The following ZBTB7C variants were observed in gnomAD, a reference collection of about 807,000 sequenced individuals.
The protein encoded by ZBTB7C is zinc finger and BTB domain-containing protein 7C.
In ZBTB7C, 8 loss-of-function variants were observed where a neutral mutation model predicts 25.7. The observed-to-expected ratio is 0.31, with a 90% CI of 0.18 to 0.56. The LOEUF is 0.56. ZBTB7C is among the 20% of genes least tolerant of loss of function. ZBTB7C has a pLI of 0.91. For missense variants in ZBTB7C, 824 were observed against 855.2 expected (o/e 0.96, Z 0.46); for synonymous variants, 394 against 369.0 (o/e 1.07, Z -0.78).
intron 2 of ZBTB7C, among the ~76,000 whole-genome samples, chr18:48,216,317 C>T (rs2096707582): frequency 1.3e-5 from 2 of 152,140 alleles, no homozygotes; most frequent in Admixed American, 6.5e-5. Context: ...TGTGGACTTG[C>T]TGGGCATCAG....
At chr18:48,295,091 C>A (rs904467023) in intron 2 of ZBTB7C, among the ~76,000 whole-genome samples, 2 of 152,146 alleles carry the variant, frequency 1.3e-5, no homozygotes, top group African/African-American at 4.8e-5. Flanking sequence ...TCTGACTGCA[C>A]TTGCCTGTCT....
intron 2 of ZBTB7C, among the ~76,000 whole-genome samples, chr18:48,211,922 A>G (rs2042711186): frequency 6.6e-6 from 1 of 152,222 alleles, no homozygotes; most frequent in Non-Finnish European, 1.5e-5. Context: ...ATAATCATCA[A>G]AACTTGGAAG....
chr18:48,057,896 A>G (rs987606459), intron 3 of ZBTB7C, among the ~76,000 whole-genome samples: 1 of 152,206 alleles, frequency 6.6e-6, no homozygotes, highest in African/African-American at 2.4e-5. Context: ...CAACTGCAGG[A>G]CATTAGAGGT....
intron 2 of ZBTB7C, among the ~76,000 whole-genome samples, chr18:48,258,441 T>C (rs1430126818): frequency 6.6e-6 from 1 of 152,092 alleles, no homozygotes; most frequent in African/African-American, 2.4e-5. Flanking sequence ...CAATAGGAAA[T>C]TGAAATAAGA....
chr18:48,270,249 CTTTCTTTTTTTT>C (rs1194493309), intron 2 of ZBTB7C, among the ~76,000 whole-genome samples: 1 of 134,662 alleles, frequency 7.4e-6, no homozygotes, highest in Non-Finnish European at 1.6e-5. Flanking sequence ...CTTTTTCTCT[CTTTCTTTTTTTT>C]TTTTTTTTTT....
At chr18:48,359,755 A>T (rs916629511) in intron 1 of ZBTB7C, among the ~76,000 whole-genome samples, 32 of 152,336 alleles carry the variant, frequency 2.1e-4, no homozygotes, top group African/African-American at 7.7e-4. Flanking sequence ...TGGATGGTGC[A>T]AAAGAGGAAC....
chr18:48,202,114 G>A (rs573509824), intron 2 of ZBTB7C, among the ~76,000 whole-genome samples: 8 of 152,314 alleles, frequency 5.3e-5, no homozygotes, highest in Admixed American at 2.6e-4. Flanking sequence ...GCTGCTGGGC[G>A]GGACCACAGT....
At chr18:48,201,564 C>T in intron 2 of ZBTB7C, among the ~76,000 whole-genome samples, 1 of 152,170 alleles carries the variant, frequency 6.6e-6, no homozygotes, top group East Asian at 1.9e-4. Flanking sequence ...TTTCTGGAGT[C>T]TGCCCCTCCC....
chr18:48,134,904 A>G (rs2040098408), intron 3 of ZBTB7C, among the ~76,000 whole-genome samples: 1 of 152,212 alleles, frequency 6.6e-6, no homozygotes, highest in South Asian at 2.1e-4. Flanking sequence ...GCAGAGGCTG[A>G]CTGTGCTGTG....
intron 2 of ZBTB7C, among the ~76,000 whole-genome samples, chr18:48,278,591 A>T (rs2044738180): frequency 6.6e-6 from 1 of 151,938 alleles, no homozygotes; most frequent in South Asian, 2.1e-4. Flanking sequence ...CACCATGCCC[A>T]GCTAATTTTT....
rs141708432 is a variant in ZBTB7C at position 48,303,958 on chromosome 18, C to T, written c.-79+34216G>A. Among the ~76,000 whole-genome samples, 10 of 152,336 alleles carry T rather than the reference C, an allele frequency of 6.6e-5. No individual in the cohort carries two copies. In the East Asian group the frequency reaches 7.7e-4, roughly 12 times the overall value. ...GGTGCTGTTCTAAGCCCTTAACAAG[C>T]GCTAACTCATGTAATCTTCCAAAGA... is the stretch of plus-strand genomic sequence containing the variant. On this transcript the variant is annotated intron_variant, in intron 2 of 4. Coordinates refer to ENST00000590800, the MANE Select transcript of ZBTB7C (RefSeq NM_001318841.2).
intron 2 of ZBTB7C, among the ~76,000 whole-genome samples, chr18:48,239,292 C>T (rs2043461980): frequency 6.6e-6 from 1 of 152,188 alleles, no homozygotes; most frequent in Admixed American, 6.5e-5. Flanking sequence ...CCCTGCCCAT[C>T]ACCTAAGAAA....
intron 3 of ZBTB7C, among the ~76,000 whole-genome samples, chr18:48,151,379 G>C (rs903073846): frequency 6.6e-6 from 1 of 152,116 alleles, no homozygotes; most frequent in African/African-American, 2.4e-5. Flanking sequence ...CCTTAGATGA[G>C]ATTCTTAGAA....
intron 3 of ZBTB7C, among the ~76,000 whole-genome samples, chr18:48,107,787 C>A (rs976685016): frequency 2.0e-5 from 3 of 152,100 alleles, no homozygotes; most frequent in African/African-American, 7.2e-5. Flanking sequence ...ACGAGCTTGT[C>A]TCAAGTGCTG....
chr18:48,125,093 C>T (rs11662183), intron 3 of ZBTB7C, among the ~76,000 whole-genome samples: 25,983 of 152,226 alleles, frequency 0.17, 2,313 homozygotes, highest in South Asian at 0.23. Flanking sequence ...TTCAAAATTA[C>T]AGCTACTGTG....
intron 2 of ZBTB7C, among the ~76,000 whole-genome samples, chr18:48,206,755 C>A (rs1774776600): frequency 6.6e-6 from 1 of 152,148 alleles, no homozygotes; most frequent in Non-Finnish European, 1.5e-5. Flanking sequence ...GACAACAAAG[C>A]TGCTGAACGA....
chr18:48,125,348 A>G lies in ZBTB7C; in HGVS notation c.-17+60586T>C, dbSNP rs142357891. ...ACTCCTGAATGGAATTCTGGACTAG[A>G]TAGTGTCCGTAGGAAGAAGGTGGCC... On this transcript the variant is annotated intron_variant, in intron 3 of 4. Coordinates refer to ENST00000590800, the MANE Select transcript of ZBTB7C (RefSeq NM_001318841.2). Among the ~76,000 whole-genome samples the G allele has an allele frequency of 2.2e-3, 337 of 152,270 alleles. 2 individuals carry two copies. The highest frequency in any genetic ancestry group is 7.5e-3 in the African/African-American group (310 of 41,546).
intron 1 of ZBTB7C, among the ~76,000 whole-genome samples, chr18:48,343,470 G>A (rs963138795): frequency 4.6e-5 from 7 of 152,164 alleles, no homozygotes; most frequent in Non-Finnish European, 1.0e-4. Context: ...CTTGCTCATT[G>A]TAGGAACTTA....
At chr18:48,215,545 G>T (rs575440618) in intron 2 of ZBTB7C, among the ~76,000 whole-genome samples, 2 of 152,284 alleles carry the variant, frequency 1.3e-5, no homozygotes, top group Admixed American at 6.5e-5. Context: ...ATTGGCACTT[G>T]GTTGAAAGAG....
Sources: gnomAD v4.1 joint callset for allele counts (sites outside exome capture counted in the v4.1 genomes callset) on GRCh38, gnomAD v4.1.1 for gene constraint, MANE v1.5 for transcripts, NCBI Gene and HGNC (gene_info 2026-07-23, HGNC 2026-07-21) for gene names.